Variants in STON1 observed in about 807,000 individuals in gnomAD.
STON1 encodes the protein stonin 1.
STON1 carries 79 observed loss-of-function variants against 60.9 expected under a neutral mutation model. That is an observed-to-expected ratio of 1.30 (90% CI 1.08 to 1.56). The LOEUF is 1.56. STON1 is among the 40% of genes most tolerant of loss of function. STON1 has a pLI of 0.00. For missense variants in STON1, 1,166 were observed against 858.9 expected (o/e 1.36, Z -4.47); for synonymous variants, 363 against 306.9 (o/e 1.18, Z -1.91).
At position 48,530,157 on chromosome 2, in the gene STON1, T is replaced by G. The variant is rs750689081; in HGVS notation, c.-107T>G. On this transcript the variant is annotated 5_prime_UTR_variant, in exon 1 of 4. Transcript: ENST00000404752. Reference sequence around the variant, plus strand: ...CCTCCCCCTCCTCCTCCCCCTCCTCTTCCTCCGCCTCCTGGTGTGGCTGGC... The same window carrying G: ...CCTCCCCCTCCTCCTCCCCCTCCTCGTCCTCCGCCTCCTGGTGTGGCTGGC... The G allele has an allele frequency of 6.9e-6, 2 of 288,432 alleles. No individual in the cohort carries two copies. Among genetic ancestry groups the G allele is most frequent in the East Asian group, 1.6e-4 (2 of 12,188 alleles). 17.9% of individuals were successfully genotyped at this position (288,432 alleles called of 1,614,324 possible).
chr2:48,583,616 G>A (rs1002547149), intron 2 of STON1, among the ~76,000 whole-genome samples: 16 of 142,838 alleles, frequency 1.1e-4, no homozygotes, highest in Non-Finnish European at 1.4e-4. Context: ...AGGGTTGTTG[G>A]TTTTTTTTTT....
At chr2:48,532,992 G>T (rs1180649099) in intron 1 of STON1, among the ~76,000 whole-genome samples, 3 of 152,176 alleles carry the variant, frequency 2.0e-5, no homozygotes, top group African/African-American at 7.2e-5. Flanking sequence ...GGTGATTCAT[G>T]CCTGTAACCC....
intron 1 of STON1, among the ~76,000 whole-genome samples, chr2:48,578,761 T>C (rs1673696922): frequency 6.6e-6 from 1 of 151,894 alleles, no homozygotes; most frequent in Non-Finnish European, 1.5e-5. Flanking sequence ...TGGTTAACTT[T>C]TGTATTTTTA....
chr2:48,583,328 A>G (rs540957344), intron 2 of STON1, among the ~76,000 whole-genome samples: 291 of 152,214 alleles, frequency 1.9e-3, no homozygotes, highest in African/African-American at 6.5e-3. Flanking sequence ...GGCTCAAGGG[A>G]TCCTCCCACA....
chr2:48,537,372 A>G (rs1390596635), intron 1 of STON1, among the ~76,000 whole-genome samples: 1 of 152,196 alleles, frequency 6.6e-6, no homozygotes, highest in Non-Finnish European at 1.5e-5. Context: ...TTTCATAACT[A>G]TATGAGATGA....
rs192649761 is a variant in STON1, at chr2:48,533,486, C to T, written c.-48+3270C>T. ...GGTGGATCGCCTGAGGTCAGAAGTT[C>T]GATACCAGCCTGGCCAACATGATGA... On this transcript the variant is annotated intron_variant, in intron 1 of 3. Coordinates refer to ENST00000404752, the MANE Select transcript of STON1 (RefSeq NM_006873.4). Among the ~76,000 whole-genome samples the T allele has an allele frequency of 9.9e-4, 151 of 151,762 alleles. 1 individual carries two copies. The highest frequency in any genetic ancestry group is 3.2e-3 in the African/African-American group (132 of 41,376).
chr2:48,594,502 C>T (rs1318821272), intron 3 of STON1, among the ~76,000 whole-genome samples: 7 of 152,110 alleles, frequency 4.6e-5, no homozygotes, highest in African/African-American at 2.4e-5. Context: ...AACAGAGAGA[C>T]AAAGTCCCTG....
At position 48,595,299 on chromosome 2, in the gene STON1, G is replaced by A. The variant is rs1674736538; in HGVS notation, c.2205G>A (p.Gln735=). 6 of 1,613,228 alleles carry A rather than the reference G, an allele frequency of 3.7e-6. No individual in the cohort carries two copies. In the Admixed American group the frequency reaches 8.3e-5, roughly 22 times the overall value. The change falls in exon 4 of 4, where the codon CAG becomes CAA. Residue 735 remains glutamine (Q), a synonymous_variant. Coordinates refer to ENST00000404752, the MANE Select transcript of STON1 (RefSeq NM_006873.4). The part of the protein sequence containing the change: ...DPDKIGDCIT[Q] ...ATAAAATTGGTGACTGCATAACTCAGTAGGAGTAGCAAGAGTTTATGATGA... is the reference window on the plus strand; with the variant it reads ...ATAAAATTGGTGACTGCATAACTCAATAGGAGTAGCAAGAGTTTATGATGA...
chr2:48,541,782 A>G (rs1254802170), intron 1 of STON1, among the ~76,000 whole-genome samples: 15 of 152,108 alleles, frequency 9.9e-5, no homozygotes, highest in South Asian at 6.2e-4. Context: ...CCTGCATGTG[A>G]AATCTCCTGC....
intron 1 of STON1, among the ~76,000 whole-genome samples, chr2:48,578,902 T>C (rs1673707690): frequency 6.6e-6 from 1 of 151,940 alleles, no homozygotes. Flanking sequence ...TAATTCTTCC[T>C]CCAGTGTGGC....
Position 48,581,946 on chromosome 2 carries a change from T to C in STON1, c.1313T>C (p.Val438Ala), listed in dbSNP as rs755618348. The change falls in exon 2 of 4, where the codon GTG (valine) becomes GCG (alanine). Residue 438 changes from valine (V) to alanine (A), a missense_variant. Coordinates refer to ENST00000404752, the MANE Select transcript of STON1 (RefSeq NM_006873.4). ...GAAGGAAAATTTGTTGAAAGTGCTG[T>C]GATAACTCAAATTTATTGCCTCTGC... ...TKEGKFVESA[V>A]ITQIYCLCFV... The C allele has an allele frequency of 6.2e-7, 1 of 1,614,070 alleles. No individual in the cohort carries two copies. Among genetic ancestry groups the C allele is most frequent in the African/African-American group, 1.3e-5 (1 of 74,924 alleles).
At position 48,566,227 on chromosome 2, in the gene STON1, G is replaced by A. The variant is rs533203457; in HGVS notation, c.-47-14360G>A. ...GTTTCACTCTGTCACCCAGGCTGGA[G>A]TGCAGTGGCACCATCTTGGCTCACT... On this transcript the variant is annotated intron_variant, in intron 1 of 3. Transcript: ENST00000404752. Among the ~76,000 whole-genome samples, 33 of 152,302 alleles carry A rather than the reference G, an allele frequency of 2.2e-4. No homozygotes were observed. In the South Asian group the frequency reaches 6.6e-3, roughly 31 times the overall value.
intron 2 of STON1, among the ~76,000 whole-genome samples, chr2:48,586,863 G>C (rs1558645180): frequency 6.6e-6 from 1 of 152,152 alleles, no homozygotes; most frequent in Non-Finnish European, 1.5e-5. Flanking sequence ...CAGAGAGAGA[G>C]AGGCAAGAGA....
chr2:48,577,939 A>C (rs1189494936), intron 1 of STON1, among the ~76,000 whole-genome samples: 1 of 147,084 alleles, frequency 6.8e-6, no homozygotes, highest in Non-Finnish European at 1.5e-5. Context: ...AAAACAAAAA[A>C]CCCCCCAGAG....
intron 3 of STON1, 132 bp downstream of exon 3, chr2:48,591,987 C>G (rs1674544691): frequency 4.0e-6 from 5 of 1,250,260 alleles, no homozygotes; most frequent in Non-Finnish European, 5.3e-6. Flanking sequence ...AGGATCTCAG[C>G]TATGGAAACT....
chr2:48,582,268 T>G lies in STON1; in HGVS notation c.1635T>G (p.Ala545=). The G allele has an allele frequency of 6.2e-7, 1 of 1,614,232 alleles. No homozygotes were observed. Among genetic ancestry groups the G allele is most frequent in the Non-Finnish European group, 8.5e-7 (1 of 1,180,036 alleles). ...VVQGAYVELQ[A]FVNMASLAQR... is the part of the protein sequence containing the mutation. ...AGGGAGCATACGTGGAACTTCAGGC[T>G]TTTGTCAACATGGCCTCATTGGCGC... Residue 545 remains alanine, a synonymous_variant, in exon 2 of 4, where the codon GCT becomes GCG. Coordinates refer to ENST00000404752, the MANE Select transcript of STON1 (RefSeq NM_006873.4).
At chr2:48,559,903 C>A (rs1336350574) in intron 1 of STON1, among the ~76,000 whole-genome samples, 1 of 152,128 alleles carries the variant, frequency 6.6e-6, no homozygotes, top group Non-Finnish European at 1.5e-5. Flanking sequence ...TGGTAGAGAT[C>A]CTGGGTGACT....
intron 1 of STON1, among the ~76,000 whole-genome samples, chr2:48,542,775 A>G (rs1163709439): frequency 6.6e-6 from 1 of 152,010 alleles, no homozygotes; most frequent in Admixed American, 6.6e-5. Flanking sequence ...GTGGTGGCAC[A>G]TGCGTGTAAT....
chr2:48,583,464 T>G (rs370187171), intron 2 of STON1, among the ~76,000 whole-genome samples: 17 of 152,174 alleles, frequency 1.1e-4, no homozygotes, highest in Non-Finnish European at 2.2e-4. Flanking sequence ...ATTTTGCAAA[T>G]AAAAATTATC....
Sources: gnomAD v4.1 joint callset for allele counts (sites outside exome capture counted in the v4.1 genomes callset) on GRCh38, gnomAD v4.1.1 for gene constraint, MANE v1.5 for transcripts, NCBI Gene and HGNC (gene_info 2026-07-23, HGNC 2026-07-21) for gene names.